The following MED13L variants were observed in gnomAD, a reference collection of about 807,000 sequenced individuals.
MED13L encodes the protein mediator of RNA polymerase II transcription subunit 13-like.
MED13L carries 7 observed loss-of-function variants against 220.9 expected under a neutral mutation model. The observed-to-expected ratio is 0.03, with a 90% confidence interval of 0.02 to 0.06. MED13L has a LOEUF of 0.06. MED13L is among the 10% of genes least tolerant of loss of function. MED13L has a pLI of 1.00. For synonymous variants in MED13L, 1,011 were observed against 1,015.2 expected (o/e 1.00, Z 0.08); for missense variants, 1,965 against 2,760.5 (o/e 0.71, Z 6.46).
At chr12:116,227,218 T>C (rs1389645883) in intron 2 of MED13L, among the ~76,000 whole-genome samples, 3 of 152,158 alleles carry the variant, frequency 2.0e-5, no homozygotes, top group Non-Finnish European at 4.4e-5. Context: ...CTTTCGCTAT[T>C]TATCTCTGAT....
At chr12:115,977,600 G>A (rs554672391) in intron 23 of MED13L, among the ~76,000 whole-genome samples, 5 of 152,296 alleles carry the variant, frequency 3.3e-5, no homozygotes, top group Admixed American at 6.5e-5. Flanking sequence ...ACAGCCATAC[G>A]ATGAAGTATT....
At chr12:116,017,935 CTTCT>C (rs1697167277) in intron 7 of MED13L, among the ~76,000 whole-genome samples, 1 of 151,348 alleles carries the variant, frequency 6.6e-6, no homozygotes, top group East Asian at 1.9e-4. Flanking sequence ...CTTTTCTTTT[CTTCT>C]TTTTTTTTTT....
At chr12:116,084,265 T>C (rs1298827963) in intron 4 of MED13L, among the ~76,000 whole-genome samples, 1 of 152,192 alleles carries the variant, frequency 6.6e-6, no homozygotes, top group Non-Finnish European at 1.5e-5. Context: ...TTTTTGAACC[T>C]ACAAAACATG....
chr12:116,267,093 T>C (rs1049308891), intron 1 of MED13L, among the ~76,000 whole-genome samples: 1 of 152,150 alleles, frequency 6.6e-6, no homozygotes, highest in South Asian at 2.1e-4. Context: ...TATTTAAAGT[T>C]CAAAGAGCAC....
Position 115,982,566 on chromosome 12 carries a change from G to A in MED13L, c.4993C>T (p.Pro1665Ser). The A allele has an allele frequency of 1.2e-6, 2 of 1,614,094 alleles. No homozygotes were observed. The highest frequency in any genetic ancestry group is 1.7e-6 in the Non-Finnish European group (2 of 1,180,002). ...ERERIGIPTE[P>S]DSADSHAHPP... ...TGGGCATGGCTGTCTGCAGAGTCAG[G>A]CTCCGTGGGAATTCCTATTCTCTCC... Residue 1665 changes from proline to serine, a missense_variant, in exon 22 of 31, where the codon CCT (proline) becomes TCT (serine). Around this residue, in one of 10 missense-constraint regions of MED13L, gnomAD observed 510 missense variants for 620.4 expected, o/e 0.82. Coordinates refer to ENST00000281928, the MANE Select transcript of MED13L (RefSeq NM_015335.5).
intron 1 of MED13L, among the ~76,000 whole-genome samples, chr12:116,273,130 C>A (rs1161178497): frequency 6.6e-6 from 1 of 151,880 alleles, no homozygotes; most frequent in Non-Finnish European, 1.5e-5. Flanking sequence ...TATGGAGAAA[C>A]CCCGTCTCTA....
At chr12:116,010,622 G>A (rs757311571) in intron 9 of MED13L, among the ~76,000 whole-genome samples, 6 of 152,100 alleles carry the variant, frequency 3.9e-5, no homozygotes, top group Admixed American at 6.6e-5. Context: ...AAAATCAGAC[G>A]AAGTCGGCAC....
At chr12:116,256,290 C>CAA (rs1212694657) in intron 1 of MED13L, among the ~76,000 whole-genome samples, 7 of 80,298 alleles carry the variant, frequency 8.7e-5, no homozygotes, top group South Asian at 3.7e-4. Flanking sequence ...TACTATTTAG[C>CAA]AAAAAAAAAA....
chr12:116,031,930 T>C (rs769223771), intron 4 of MED13L, among the ~76,000 whole-genome samples: 24 of 151,968 alleles, frequency 1.6e-4, no homozygotes, highest in Non-Finnish European at 3.2e-4. Context: ...AGATCAAGCA[T>C]GTAGATAAGG....
chr12:115,996,437 T>A, intron 16 of MED13L, 39 bp downstream of exon 16: 1 of 1,588,850 alleles, frequency 6.3e-7, no homozygotes, highest in Non-Finnish European at 8.6e-7. Flanking sequence ...AAAAATTGCA[T>A]CAAATATGGC....
intron 4 of MED13L, among the ~76,000 whole-genome samples, chr12:116,074,633 T>C (rs1299588791): frequency 1.3e-5 from 2 of 152,236 alleles, no homozygotes; most frequent in Non-Finnish European, 2.9e-5. Context: ...TCACTGAATA[T>C]TCAGGCAAAC....
At chr12:116,267,004 C>CT (rs1218317682) in intron 1 of MED13L, among the ~76,000 whole-genome samples, 1 of 152,196 alleles carries the variant, frequency 6.6e-6, no homozygotes, top group Non-Finnish European at 1.5e-5. Flanking sequence ...ATGATTTAGT[C>CT]TTTAAGAAGA....
intron 3 of MED13L, among the ~76,000 whole-genome samples, chr12:116,109,096 G>T (rs529118768): frequency 4.4e-5 from 5 of 114,208 alleles, no homozygotes; most frequent in Non-Finnish European, 6.7e-5. Flanking sequence ...TTGGAAACAG[G>T]GTCTCACTCT....
intron 4 of MED13L, among the ~76,000 whole-genome samples, chr12:116,084,969 GTTT>G (rs1357284639): frequency 8.3e-4 from 126 of 152,096 alleles, no homozygotes; most frequent in African/African-American, 3.0e-3. Flanking sequence ...TTAGCCAACT[GTTT>G]TCAATTATAT....
intron 4 of MED13L, among the ~76,000 whole-genome samples, chr12:116,091,120 CAAAAAAAAAAAAAA>C (rs5801163): frequency 1.1e-5 from 1 of 87,390 alleles, no homozygotes; most frequent in South Asian, 3.9e-4. Context: ...AACTCTGTCT[CAAAAAAAAAAAAAA>C]AAAAAAAGAA....
chr12:116,106,926 T>C (rs192214033), intron 3 of MED13L, among the ~76,000 whole-genome samples: 3 of 152,266 alleles, frequency 2.0e-5, no homozygotes, highest in East Asian at 1.9e-4. Flanking sequence ...ATGTGACTTT[T>C]AATGTTTGTC....
At chr12:116,176,956 C>T (rs76655781) in intron 2 of MED13L, among the ~76,000 whole-genome samples, 1 of 150,172 alleles carries the variant, frequency 6.7e-6, no homozygotes, top group African/African-American at 2.5e-5. Flanking sequence ...TCCATATACA[C>T]TCCCTCATCC....
chr12:115,982,783 G>A (rs185191692), intron 21 of MED13L, among the ~76,000 whole-genome samples, 180 bp from the exon 22 acceptor site: 9 of 152,298 alleles, frequency 5.9e-5, no homozygotes, highest in Non-Finnish European at 2.9e-5. Flanking sequence ...AGCATCGAGG[G>A]CAGATGGAAA....
intron 2 of MED13L, among the ~76,000 whole-genome samples, chr12:116,148,169 A>T (rs1323434289): frequency 6.6e-6 from 1 of 151,914 alleles, no homozygotes; most frequent in Non-Finnish European, 1.5e-5. Flanking sequence ...GTATATAAAC[A>T]TACACATATA....
Sources: allele counts gnomAD v4.1 joint callset (sites outside exome capture counted in the v4.1 genomes callset), GRCh38; gene constraint gnomAD v4.1.1; regional missense constraint gnomAD v4.1.1; transcripts MANE v1.5; gene names NCBI Gene and HGNC (gene_info 2026-07-23, HGNC 2026-07-21).